ZNF839: variants seen among roughly 807,000 people sequenced by gnomAD.
ZNF839 encodes the protein renal carcinoma antigen NY-REN-50.
ZNF839 carries 38 observed loss-of-function variants against 56.4 expected under a neutral mutation model. The observed-to-expected ratio is 0.67, with a 90% CI of 0.52 to 0.88. The LOEUF (loss-of-function observed/expected upper bound fraction) is 0.88, where lower values mean the gene tolerates loss of function less well. Among genes scored for constraint, ZNF839 ranks in the 40% least tolerant of loss-of-function variants. The probability of loss-of-function intolerance (pLI) is 0.00; values close to 1 mark genes in which losing one functional copy is unlikely to be tolerated. For synonymous variants in ZNF839, 486 were observed against 493.5 expected, an observed-to-expected ratio of 0.98 and a Z score of 0.20; for missense variants, 1,091 against 1,177.6, an observed-to-expected ratio of 0.93 and a Z score of 1.08.
intron 5 of ZNF839, among the ~76,000 whole-genome samples, chr14:102,338,311 G>A (rs1886072846): frequency 6.6e-6 from 1 of 152,186 alleles, no homozygotes; most frequent in South Asian, 2.1e-4. Flanking sequence ...GCTGAGGCGG[G>A]TGGATCACTT....
intron 2 of ZNF839, among the ~76,000 whole-genome samples, chr14:102,330,922 C>T (rs1273762200): frequency 6.6e-6 from 1 of 152,140 alleles, no homozygotes; most frequent in Non-Finnish European, 1.5e-5. Context: ...CTAGGGTTCT[C>T]TTCAAAAGCC....
chr14:102,319,823 G>T lies in ZNF839; in HGVS notation c.58G>T (p.Gly20Cys), dbSNP rs1157673849. 41 of 1,232,468 alleles carry T rather than the reference G, an allele frequency of 3.3e-5. No individual in the cohort carries two copies. The highest frequency in any genetic ancestry group is 3.9e-5 in the Non-Finnish European group (39 of 988,912). The allele number at this position is 1,232,468 out of a possible 1,614,324, so 76.3% of individuals were successfully genotyped here. Residue 20 changes from glycine to cysteine, a missense_variant, in exon 1 of 8, where the codon GGC (glycine) becomes TGC (cysteine). By Grantham distance (159) the Gly-to-Cys change is radical. This residue lies in a region of ZNF839 where 614 missense variants were observed against 629.2 expected (regional missense o/e 0.98). Transcript: ENST00000442396. The surrounding 1 kb of genome is among the most constrained non-coding windows in gnomAD (Gnocchi z 4.5). The stretch of plus-strand genomic sequence containing the variant: ...CAGCGAGGATGGCGGCGGCGGCGGC[G>T]GCCCGGCTCCTCCGGGCCAGAGCGG... The part of the protein sequence containing the change: ...GGSEDGGGGG[G>C]PAPPGQSGSV...
In ZNF839 at chr14:102,319,823, G is replaced by C; in HGVS notation, c.58G>C (p.Gly20Arg). 1 of 1,232,576 alleles carries C rather than the reference G, an allele frequency of 8.1e-7. No homozygotes were observed. Among genetic ancestry groups the C allele is most frequent in the Non-Finnish European group, 1.0e-6 (1 of 988,902 alleles). The allele number at this position is 1,232,576 out of a possible 1,614,324, so 76.4% of individuals were successfully genotyped here. The change falls in exon 1 of 8, where the codon GGC becomes CGC. Residue 20 changes from glycine (G) to arginine (R), a missense_variant. Gly to Arg is a moderately radical substitution (Grantham distance 125). Around this residue, in one of 3 missense-constraint regions of ZNF839, gnomAD observed 614 missense variants for 629.2 expected, o/e 0.98. Transcript: ENST00000442396. This position sits in a 1 kb window ranked among gnomAD's most constrained non-coding sequence, Gnocchi z 4.5. ...GGSEDGGGGG[G>R]PAPPGQSGSV... ...CAGCGAGGATGGCGGCGGCGGCGGC[G>C]GCCCGGCTCCTCCGGGCCAGAGCGG...
Position 102,342,351 on chromosome 14 carries a change from G to A in ZNF839, c.*172G>A. 1.3e-6 allele frequency: 1 copy of A among 752,614 alleles called. No individual in the cohort carries two copies. Among genetic ancestry groups the A allele is most frequent in the Non-Finnish European group, 2.0e-6 (1 of 491,660 alleles). The allele number at this position is 752,614 out of a possible 1,614,324, so 46.6% of individuals were successfully genotyped here. On this transcript the variant is annotated 3_prime_UTR_variant, in exon 8 of 8. Transcript: ENST00000442396. ...CACAGATGAACCTTTTATTTATAAA[G>A]AATAATGTCTTTCTGCCCTGCTGTC...
chr14:102,326,845 C>T lies in ZNF839; in HGVS notation c.1149C>T (p.Ala383=). ...SMPADPCEGG[A]RSCLVTESAR... ...CAGCGGATCCATGTGAGGGAGGGGC[C>T]CGCTCCTGCTTGGTGACAGAGTCAG... Residue 383 remains alanine (A), a synonymous_variant, in exon 2 of 8, where the codon GCC becomes GCT. Coordinates refer to ENST00000442396, the MANE Select transcript of ZNF839 (RefSeq NM_018335.6). This position sits in a 1 kb window ranked among gnomAD's most constrained non-coding sequence, Gnocchi z 4.3. The T allele has an allele frequency of 1.2e-6, 2 of 1,608,920 alleles. No individual in the cohort carries two copies. The highest frequency in any genetic ancestry group is 1.7e-6 in the Non-Finnish European group (2 of 1,177,134).
Position 102,320,051 on chromosome 14 carries a change from C to A in ZNF839, c.286C>A (p.Gln96Lys). 1 of 1,182,726 alleles carries A rather than the reference C, an allele frequency of 8.5e-7. No individual in the cohort carries two copies. Among genetic ancestry groups the A allele is most frequent in the South Asian group, 4.3e-5 (1 of 23,222 alleles). 73.3% of individuals were successfully genotyped at this position (1,182,726 alleles called of 1,614,324 possible). A position where few individuals can be genotyped will look rare whatever the true frequency, so the allele number is the denominator to read the frequency against. The stretch of plus-strand genomic sequence containing the variant: ...GCGCCTGCCGCGCCTGCTCCCGCCC[C>A]AGGTGAGGCGTCGGGAGGGACGTGG... ...PPRLPRLLPP[Q>K]QLEAICVKVT... Residue 96 changes from glutamine (Q) to lysine (K), a missense_variant and splice_region_variant, in exon 1 of 8, where the codon CAG becomes AAG. Around this residue, in one of 3 missense-constraint regions of ZNF839, gnomAD observed 614 missense variants for 629.2 expected, o/e 0.98. Coordinates refer to ENST00000442396, the MANE Select transcript of ZNF839 (RefSeq NM_018335.6).
chr14:102,339,301 G>T, intron 7 of ZNF839, 78 bp downstream of exon 7: 1 of 1,523,062 alleles, frequency 6.6e-7, no homozygotes, highest in Non-Finnish European at 8.8e-7. Context: ...ACCCAGGATT[G>T]CCATTTTTCA....
At position 102,327,054 on chromosome 14, in the gene ZNF839, C is replaced by T. The variant is rs141002858; in HGVS notation, c.1191+167C>T. ...ATCTGTTTAGCTTCTGGGGAGGCCT[C>T]GGGAAACAGAGTCACGGTGAAGGCA... is the stretch of plus-strand genomic sequence containing the variant. On this transcript the variant is annotated intron_variant, in intron 2 of 7. Coordinates refer to ENST00000442396, the MANE Select transcript of ZNF839 (RefSeq NM_018335.6). 4.7e-3 allele frequency among the ~76,000 whole-genome samples: 721 copies of T among 152,118 alleles called. 4 individuals are homozygous for T. The highest frequency in any genetic ancestry group is 0.013 in the South Asian group (62 of 4,814).
In ZNF839 at chr14:102,319,940, C is replaced by G. The variant is rs1011423192; in HGVS notation, c.175C>G (p.Pro59Ala). 11 of 1,198,624 alleles carry G rather than the reference C, an allele frequency of 9.2e-6. No individual in the cohort carries two copies. Among genetic ancestry groups the G allele is most frequent in the African/African-American group, 6.5e-5 (4 of 61,556 alleles). The allele number at this position is 1,198,624 out of a possible 1,614,324, so 74.2% of individuals were successfully genotyped here. A position where few individuals can be genotyped will look rare whatever the true frequency, so the allele number is the denominator to read the frequency against. The change falls in exon 1 of 8, where the codon CCC becomes GCC. Residue 59 changes from proline (P) to alanine (A), a missense_variant. Around this residue, in one of 3 missense-constraint regions of ZNF839, gnomAD observed 614 missense variants for 629.2 expected, o/e 0.98. Coordinates refer to ENST00000442396, the MANE Select transcript of ZNF839 (RefSeq NM_018335.6). The surrounding 1 kb of genome is among the most constrained non-coding windows in gnomAD (Gnocchi z 4.5). Reference protein sequence around the residue: ...TKAQPPPPPPPFVLRDAARRL... With the variant: ...TKAQPPPPPPAFVLRDAARRL... Reference sequence around the variant, plus strand: ...GGCGCAGCCGCCGCCGCCGCCGCCCCCCTTCGTGCTGCGGGACGCGGCGCG... The same window carrying G: ...GGCGCAGCCGCCGCCGCCGCCGCCCGCCTTCGTGCTGCGGGACGCGGCGCG...
Position 102,342,128 on chromosome 14 carries a change from C to T in ZNF839, c.2733C>T (p.Asp911=). ...GTACAATAGTGTCTCAGGAGGAGGA[C>T]ATTGTCACAGTGACTGATGCAGAGG... ...PPGTIVSQEE[D]IVTVTDAEGR... is the part of the protein sequence containing the mutation. Residue 911 remains aspartate, a synonymous_variant, in exon 8 of 8, where the codon GAC becomes GAT. Transcript: ENST00000442396. The T allele has an allele frequency of 6.2e-7, 1 of 1,613,838 alleles. No individual in the cohort carries two copies. The highest frequency in any genetic ancestry group is 2.2e-5 in the East Asian group (1 of 44,886).
Position 102,342,106 on chromosome 14 carries a change from C to T in ZNF839, c.2711C>T (p.Thr904Ile), listed in dbSNP as rs1285105783. The change falls in exon 8 of 8, where the codon ACA becomes ATA. Residue 904 changes from threonine (T) to isoleucine (I), a missense_variant. Physicochemically the swap from Thr to Ile is moderately conservative, Grantham distance 89. Around this residue, in one of 3 missense-constraint regions of ZNF839, gnomAD observed 431 missense variants for 468.0 expected, o/e 0.92. Coordinates refer to ENST00000442396, the MANE Select transcript of ZNF839 (RefSeq NM_018335.6). ...GGGCTTATCTTGTCCCCTCCAGGTACAATAGTGTCTCAGGAGGAGGACATT... is the reference window on the plus strand; with the variant it reads ...GGGCTTATCTTGTCCCCTCCAGGTATAATAGTGTCTCAGGAGGAGGACATT... Reference protein sequence around the residue: ...SDGLILSPPGTIVSQEEDIVT... With the variant: ...SDGLILSPPGIIVSQEEDIVT... 2 of 1,613,840 alleles carry T rather than the reference C, an allele frequency of 1.2e-6. No individual in the cohort carries two copies. The highest frequency in any genetic ancestry group is 1.3e-5 in the African/African-American group (1 of 74,930).
At chr14:102,329,629 C>T (rs1330834192) in intron 2 of ZNF839, among the ~76,000 whole-genome samples, 2 of 151,888 alleles carry the variant, frequency 1.3e-5, no homozygotes, top group Non-Finnish European at 2.9e-5. Context: ...AAGTGATCTG[C>T]CCACCTCAGC....
At position 102,325,973 on chromosome 14, in the gene ZNF839, T is replaced by C; in HGVS notation, c.289-12T>C. 2 of 1,609,610 alleles carry C rather than the reference T, an allele frequency of 1.2e-6. No homozygotes were observed. Among genetic ancestry groups the C allele is most frequent in the South Asian group, 1.1e-5 (1 of 90,274 alleles). On this transcript the variant is annotated splice_polypyrimidine_tract_variant and intron_variant, in intron 1 of 7. Transcript: ENST00000442396. ...ATGCTTCTTTTCTCTTTCTTGTCTT[T>C]CTGTACGTAAGCAACTAGAAGCCAT...
chr14:102,319,029 A>T (rs1410392328), upstream of ZNF839, among the ~76,000 whole-genome samples: 1 of 152,228 alleles, frequency 6.6e-6, no homozygotes, highest in African/African-American at 2.4e-5. The surrounding 1 kb of genome is among the most constrained non-coding windows in gnomAD (Gnocchi z 4.5). Flanking sequence ...GGGCGCACAG[A>T]GCCTCAACCG....
rs1299858393 is a variant in ZNF839 at position 102,331,681 on chromosome 14, T to C, written c.1251T>C (p.Leu417=). 2 of 1,612,600 alleles carry C rather than the reference T, an allele frequency of 1.2e-6. No homozygotes were observed. The highest frequency in any genetic ancestry group is 2.2e-5 in the South Asian group (2 of 90,680). ...CATCTGAACCAGAAAATGGAGCTCTTTTGCGATCAGAGAGATACCAAGGAC... is the reference window on the plus strand; with the variant it reads ...CATCTGAACCAGAAAATGGAGCTCTCTTGCGATCAGAGAGATACCAAGGAC... The part of the protein sequence containing the change: ...TLPSEPENGA[L]LRSERYQGPR... The change falls in exon 3 of 8, where the codon CTT becomes CTC. Residue 417 remains leucine, a synonymous_variant. Coordinates refer to ENST00000442396, the MANE Select transcript of ZNF839 (RefSeq NM_018335.6).
At chr14:102,320,799 G>A (rs1184180903) in intron 1 of ZNF839, among the ~76,000 whole-genome samples, 1 of 152,206 alleles carries the variant, frequency 6.6e-6, no homozygotes, top group Non-Finnish European at 1.5e-5. Context: ...GTTGCTAGGG[G>A]GGTGATAACT....
intron 2 of ZNF839, 117 bp from the exon 3 acceptor site, chr14:102,331,505 C>A: frequency 1.2e-6 from 1 of 855,096 alleles, no homozygotes; most frequent in Non-Finnish European, 1.8e-6. Flanking sequence ...CCGCCTTGGG[C>A]TCCCAAAGTG....
intron 1 of ZNF839, among the ~76,000 whole-genome samples, chr14:102,325,001 C>T (rs2073334119): frequency 6.6e-6 from 1 of 152,088 alleles, no homozygotes; most frequent in African/African-American, 2.4e-5. Flanking sequence ...AGGCTCTTAT[C>T]TCTTCACTGG....
intron 5 of ZNF839, among the ~76,000 whole-genome samples, chr14:102,338,157 G>A (rs1157413806): frequency 6.6e-6 from 1 of 152,176 alleles, no homozygotes; most frequent in Admixed American, 6.6e-5. Flanking sequence ...AGTAAAGGAG[G>A]GATAGTGGGA....
Sources: allele counts gnomAD v4.1 joint callset (sites outside exome capture counted in the v4.1 genomes callset), GRCh38; gene constraint gnomAD v4.1.1; regional missense constraint gnomAD v4.1.1; non-coding constraint Gnocchi (gnomAD v3.1); transcripts MANE v1.5; gene names NCBI Gene and HGNC (gene_info 2026-07-23, HGNC 2026-07-21).